The following CEP89 variants were observed in gnomAD, a reference collection of about 807,000 sequenced individuals.
The protein encoded by CEP89 is centrosomal protein 89.
CEP89 carries 95 observed loss-of-function variants against 97.6 expected under a neutral mutation model. The ratio of observed to expected loss-of-function variants is 0.97; its 90% CI spans 0.82 to 1.15. The LOEUF (loss-of-function observed/expected upper bound fraction) is 1.15. CEP89 is among the 50% of genes most tolerant of loss of function. CEP89 has a pLI of 0.00. For missense variants in CEP89, 869 were observed against 947.7 expected, an observed-to-expected ratio of 0.92 and a Z score of 1.09; for synonymous variants, 354 against 349.1, an observed-to-expected ratio of 1.01 and a Z score of -0.16.
chr19:32,883,382 G>A (rs1023362424), intron 17 of CEP89, among the ~76,000 whole-genome samples: 3 of 151,604 alleles, frequency 2.0e-5, no homozygotes, highest in South Asian at 2.1e-4. Flanking sequence ...GGCCGGGTGC[G>A]GTGGCTCACG....
chr19:32,971,646 G>C, intron 1 of CEP89, 190 bp downstream of exon 1: 1 of 614,442 alleles, frequency 1.6e-6, no homozygotes, highest in Non-Finnish European at 2.9e-6. Context: ...GACAGAGCGA[G>C]ACCCTGTTTC....
At chr19:32,953,982 C>T (rs34194435) in intron 3 of CEP89, among the ~76,000 whole-genome samples, 181 bp from the exon 4 acceptor site, 30,100 of 151,484 alleles carry the variant, frequency 0.2, 3,082 homozygotes, top group African/African-American at 0.23. Context: ...CATTCTCCTG[C>T]CTCAGCCTAG....
chr19:32,901,131 C>G, intron 15 of CEP89, 114 bp downstream of exon 15: 1 of 984,446 alleles, frequency 1.0e-6, no homozygotes, highest in Non-Finnish European at 1.5e-6. Flanking sequence ...AAATGATCGC[C>G]TGCCTCAGCC....
In CEP89 at chr19:32,933,554, T is replaced by C; in HGVS notation, c.783A>G (p.Leu261=). 1 of 1,613,506 alleles carries C rather than the reference T, an allele frequency of 6.2e-7. No homozygotes were observed. The highest frequency in any genetic ancestry group is 8.5e-7 in the Non-Finnish European group (1 of 1,179,422). Residue 261 remains leucine (L), a synonymous_variant, in exon 8 of 19, where the codon CTA becomes CTG. Transcript: ENST00000305768. ...NNMNQSLTLE[L]NTMKQAMKEL... ...CTTTCATTGCTTGTTTCATTGTGTT[T>C]AGTTCAAGGGTAAGGCTTTGATTCA...
intron 3 of CEP89, among the ~76,000 whole-genome samples, chr19:32,956,456 C>T (rs1009578746): frequency 1.3e-5 from 2 of 151,780 alleles, no homozygotes; most frequent in African/African-American, 4.8e-5. Flanking sequence ...CTTTGACCTC[C>T]TGGGCTCAAG....
chr19:32,971,764 C>T, intron 1 of CEP89, 72 bp downstream of exon 1: 1 of 1,487,586 alleles, frequency 6.7e-7, no homozygotes, highest in Non-Finnish European at 9.2e-7. Context: ...CAAACCCCAA[C>T]CCGCCCCAAC....
chr19:32,914,507 A>T (rs955093794), intron 14 of CEP89, among the ~76,000 whole-genome samples: 1 of 151,970 alleles, frequency 6.6e-6, no homozygotes, highest in Non-Finnish European at 1.5e-5. Context: ...TCCAGGTTCA[A>T]GTGACCTGCC....
chr19:32,910,713 C>T (rs1020688255), intron 14 of CEP89, among the ~76,000 whole-genome samples: 10 of 151,952 alleles, frequency 6.6e-5, no homozygotes, highest in African/African-American at 2.4e-4. Context: ...AAATGAAGAA[C>T]AAATGCCACA....
intron 13 of CEP89, among the ~76,000 whole-genome samples, chr19:32,916,366 A>G (rs186498258): frequency 2.6e-5 from 4 of 152,338 alleles, no homozygotes; most frequent in Non-Finnish European, 5.9e-5. Flanking sequence ...AAAATCCACT[A>G]TAATATTTTA....
intron 16 of CEP89, among the ~76,000 whole-genome samples, chr19:32,890,969 C>T (rs576315317): frequency 6.6e-5 from 10 of 152,318 alleles, no homozygotes; most frequent in African/African-American, 1.7e-4. Flanking sequence ...CACATGCACC[C>T]GGAAGGCTGC....
At chr19:32,943,624 CA>C (rs1215123336) in intron 5 of CEP89, among the ~76,000 whole-genome samples, 51 of 142,178 alleles carry the variant, frequency 3.6e-4, no homozygotes, top group South Asian at 8.9e-4. Flanking sequence ...GATCCTGTCT[CA>C]AAAAAAAAAA....
chr19:32,886,484 G>C (rs1189572364), intron 17 of CEP89, among the ~76,000 whole-genome samples: 1 of 152,124 alleles, frequency 6.6e-6, no homozygotes, highest in Non-Finnish European at 1.5e-5. Context: ...GATTTCCAAG[G>C]TGATGTCCTC....
At chr19:32,899,823 G>A (rs371777125) in intron 16 of CEP89, 34 bp downstream of exon 16, 64 of 1,573,008 alleles carry the variant, frequency 4.1e-5, no homozygotes, top group East Asian at 1.4e-4. Context: ...ATATTAACTC[G>A]CAGTTTACTT....
At chr19:32,920,458 CCTCT>C (rs1285362109) in intron 12 of CEP89, among the ~76,000 whole-genome samples, 3 of 151,892 alleles carry the variant, frequency 2.0e-5, no homozygotes, top group African/African-American at 7.3e-5. Context: ...TTTAACACTC[CCTCT>C]TATTTTGTTT....
Position 32,953,616 on chromosome 19 carries a change from T to G in CEP89, c.491A>C (p.Gln164Pro), listed in dbSNP as rs771114401. 6.3e-7 allele frequency: 1 copy of G among 1,596,196 alleles called. No homozygotes were observed. The highest frequency in any genetic ancestry group is 8.6e-7 in the Non-Finnish European group (1 of 1,169,044). Reference protein sequence around the residue: ...DDLYAVPHRNQVPLLHEVNSE... With the variant: ...DDLYAVPHRNPVPLLHEVNSE... Reference sequence around the variant, plus strand: ...GAAAACTGGGAACATAGAAAACACCTGATTTCTGTGTGGCACAGCGTACAG... The same window carrying G: ...GAAAACTGGGAACATAGAAAACACCGGATTTCTGTGTGGCACAGCGTACAG... Residue 164 changes from glutamine to proline, a missense_variant and splice_region_variant, in exon 4 of 19, where the codon CAG becomes CCG. By Grantham distance (76) the Gln-to-Pro change is moderately conservative (BLOSUM62 -1). Coordinates refer to ENST00000305768, the MANE Select transcript of CEP89 (RefSeq NM_032816.5).
At chr19:32,880,945 G>GT (rs776596202) in intron 18 of CEP89, among the ~76,000 whole-genome samples, 3 of 152,154 alleles carry the variant, frequency 2.0e-5, no homozygotes, top group African/African-American at 4.8e-5. Flanking sequence ...GTGAAGGTAG[G>GT]TAAGTGGAGG....
intron 16 of CEP89, among the ~76,000 whole-genome samples, chr19:32,892,763 C>A (rs1446144862): frequency 2.7e-5 from 4 of 150,496 alleles, no homozygotes; most frequent in African/African-American, 9.8e-5. Flanking sequence ...TAAAGACTTA[C>A]AGATAAGCAA....
Position 32,901,060 on chromosome 19 carries a change from T to A in CEP89, c.1733+185A>T. On this transcript the variant is annotated intron_variant, in intron 15 of 18. Transcript: ENST00000305768. ...GCCACTACCGCCTGGCTAATTTTTG[T>A]ATTTTTAGTAGAGACGGGGTTTTGC... Among the ~76,000 whole-genome samples the A allele has an allele frequency of 1.3e-5, 2 of 151,922 alleles. 1 individual carries two copies. Among genetic ancestry groups the A allele is most frequent in the Non-Finnish European group, 2.9e-5 (2 of 67,958 alleles).
intron 13 of CEP89, 127 bp downstream of exon 13, chr19:32,918,097 T>G: frequency 1.3e-6 from 1 of 756,240 alleles, no homozygotes; most frequent in South Asian, 1.7e-5. Flanking sequence ...ACAGCCACAT[T>G]CCAGTCAAAA....
Sources: allele counts gnomAD v4.1 joint callset (sites outside exome capture counted in the v4.1 genomes callset), GRCh38; gene constraint gnomAD v4.1.1; transcripts MANE v1.5; gene names NCBI Gene and HGNC (gene_info 2026-07-23, HGNC 2026-07-21).